The following OTX1 variants were observed in gnomAD, a reference collection of about 807,000 sequenced individuals.
The protein encoded by OTX1 is orthodenticle homeobox 1, also known as homeobox protein OTX1.
A neutral mutation model predicts 26.7 loss-of-function variants in OTX1; 7 were observed. The ratio of observed to expected loss-of-function variants is 0.26; its 90% CI spans 0.15 to 0.49. OTX1 has a LOEUF of 0.49. Ranked by LOEUF, OTX1 falls within the 20% of genes least tolerant of loss-of-function variation. The probability of loss-of-function intolerance (pLI) is 0.98; values close to 1 mark genes in which losing one functional copy is unlikely to be tolerated. For synonymous variants in OTX1, 216 were observed against 212.8 expected (o/e 1.01, Z -0.13); for missense variants, 414 against 483.8 (o/e 0.86, Z 1.35).
At chr2:63,050,706 C>T (rs1423587582), upstream of OTX1, 2 of 151,962 alleles carry the variant, frequency 1.3e-5, no homozygotes, top group African/African-American at 2.4e-5. Context: ...GGAGGTAACC[C>T]CCGGCTCGCG....
At chr2:63,050,654 G>A (rs1432122039), upstream of OTX1, 1 of 151,412 alleles carries the variant, frequency 6.6e-6, no homozygotes, top group Non-Finnish European at 1.5e-5. Flanking sequence ...CGGGAGGGCG[G>A]GGAGGGCGGG....
rs1372722750 is a variant in OTX1, at chr2:63,055,757, G to A, written c.506G>A (p.Ser169Asn). ...GNPVAAASSL[S>N]TPAASSIWSP... Reference sequence around the variant, plus strand: ...CCGGTGGCGGCCGCGTCGTCGCTGAGTACACCAGCTGCCTCATCTATCTGG... The same window carrying A: ...CCGGTGGCGGCCGCGTCGTCGCTGAATACACCAGCTGCCTCATCTATCTGG... Residue 169 changes from serine to asparagine, a missense_variant, in exon 5 of 5, where the codon AGT becomes AAT. Physicochemically the swap from Ser to Asn is conservative, Grantham distance 46 (BLOSUM62 1). Transcript: ENST00000282549. This position sits in a 1 kb window ranked among gnomAD's most constrained non-coding sequence, Gnocchi z 5.2. 3.1e-6 allele frequency: 5 copies of A among 1,612,398 alleles called. No homozygotes were observed. Among genetic ancestry groups the A allele is most frequent in the Non-Finnish European group, 1.7e-6 (2 of 1,179,702 alleles).
At chr2:63,053,785 T>C in intron 3 of OTX1, 1 of 471,528 alleles carries the variant, frequency 2.1e-6, no homozygotes, top group Middle Eastern at 5.6e-4. Context: ...GATTGTAGAC[T>C]TCTCTTAACT....
chr2:63,053,322 C>T (rs2062039548), intron 3 of OTX1: 1 of 438,554 alleles, frequency 2.3e-6, no homozygotes, highest in Non-Finnish European at 4.0e-6. Flanking sequence ...GGCCGGATCA[C>T]CGGCAACCTT....
At chr2:63,054,889 C>G (rs555017533) in intron 4 of OTX1, among the ~76,000 whole-genome samples, 1 of 152,292 alleles carries the variant, frequency 6.6e-6, no homozygotes, top group South Asian at 2.1e-4. Context: ...TGGTTCCCCA[C>G]CTGGAGCCAA....
At chr2:63,050,540 C>T (rs1003681478), upstream of OTX1, among the ~76,000 whole-genome samples, 5 of 152,058 alleles carry the variant, frequency 3.3e-5, no homozygotes, top group Admixed American at 6.5e-5. Flanking sequence ...AGACCCACGG[C>T]CCCCTCCGCG....
rs1195605759 is a variant in OTX1 at position 63,056,406 on chromosome 2, CTCG to C, written c.*93_*95del. On this transcript the variant is annotated 3_prime_UTR_variant, in exon 5 of 5. Transcript: ENST00000282549. ...CTGCTGCTGCACCGCCCGCCTTTGC[CTCG>C]TCTTCTCCAAAACTGAATTTTCACC... 8.6e-7 allele frequency: 1 copy of C among 1,169,130 alleles called. No individual in the cohort carries two copies. The highest frequency in any genetic ancestry group is 1.2e-6 in the Non-Finnish European group (1 of 821,542). The allele number at this position is 1,169,130 out of a possible 1,614,324, so 72.4% of individuals were successfully genotyped here.
rs1003822036 is a variant in OTX1 at position 63,056,505 on chromosome 2, A to T, written c.*189A>T. 3.2e-6 allele frequency: 2 copies of T among 617,098 alleles called. No homozygotes were observed. The highest frequency in any genetic ancestry group is 5.7e-6 in the Non-Finnish European group (2 of 352,884). The allele number at this position is 617,098 out of a possible 1,614,324, so 38.2% of individuals were successfully genotyped here. ...GCCACTTGCTTGGGGGGATGTGCAAACCCACCCTGCCCCTTGGATGGGGGG... is the reference window on the plus strand; with the variant it reads ...GCCACTTGCTTGGGGGGATGTGCAATCCCACCCTGCCCCTTGGATGGGGGG... On this transcript the variant is annotated 3_prime_UTR_variant, in exon 5 of 5. Coordinates refer to ENST00000282549, the MANE Select transcript of OTX1 (RefSeq NM_014562.4).
Position 63,053,012 on chromosome 2 carries a change from C to A in OTX1, c.22C>A (p.Pro8Thr). MMSYLKQ[P>T]PYGMNGLGLA... The stretch of plus-strand genomic sequence containing the variant: ...TAGCATGATGTCTTACCTCAAACAA[C>A]CCCCATACGGCATGAACGGGCTGGG... Residue 8 changes from proline (P) to threonine (T), a missense_variant, in exon 3 of 5, where the codon CCC becomes ACC. Around this residue, in one of 3 missense-constraint regions of OTX1, gnomAD observed 48 missense variants for 41.6 expected, o/e 1.15. Transcript: ENST00000282549. 6.2e-7 allele frequency: 1 copy of A among 1,610,492 alleles called. No homozygotes were observed. The highest frequency in any genetic ancestry group is 8.5e-7 in the Non-Finnish European group (1 of 1,178,686).
upstream of OTX1, among the ~76,000 whole-genome samples, chr2:63,050,306 G>A (rs572745868): frequency 4.9e-3 from 752 of 152,266 alleles, 3 homozygotes; most frequent in Non-Finnish European, 4.2e-3. Flanking sequence ...AGGTGGCGGC[G>A]CCGGGGAAGA....
chr2:63,054,291 C>T, intron 4 of OTX1, 93 bp downstream of exon 4: 1 of 1,273,682 alleles, frequency 7.9e-7, no homozygotes, highest in South Asian at 1.8e-5. Context: ...TTGAGGAGAC[C>T]ATCCTGTGGG....
chr2:63,050,114 G>A (rs1051478850), upstream of OTX1: 5 of 152,250 alleles, frequency 3.3e-5, no homozygotes, highest in African/African-American at 9.6e-5. Context: ...CACCCTTGGT[G>A]GGGACCTGGA....
At chr2:63,053,555 C>T (rs2075375) in intron 3 of OTX1, 90,331 of 172,444 alleles carry the variant, frequency 0.52, 24,092 homozygotes, top group South Asian at 0.6. Flanking sequence ...CGATGTCCTG[C>T]ACCCATTTTT....
Position 63,053,062 on chromosome 2 carries a change from C to T in OTX1, c.72C>T (p.Leu24=). 1.9e-6 allele frequency: 3 copies of T among 1,597,356 alleles called. No individual in the cohort carries two copies. The highest frequency in any genetic ancestry group is 2.6e-6 in the Non-Finnish European group (3 of 1,173,724). The change falls in exon 3 of 5, where the codon CTC becomes CTT. Residue 24 remains leucine (L), a synonymous_variant. Transcript: ENST00000282549. Reference sequence around the variant, plus strand: ...GCCTGGCCGGGCCCGCCATGGACCTCCTGCACCCATCCGTGGGCTATCCGG... The same window carrying T: ...GCCTGGCCGGGCCCGCCATGGACCTTCTGCACCCATCCGTGGGCTATCCGG... ...GLGLAGPAMD[L]LHPSVGYPAT...
rs778560710 is a variant in OTX1 at position 63,056,174 on chromosome 2, G to A, written c.923G>A (p.Gly308Glu). 1.2e-6 allele frequency: 2 copies of A among 1,613,960 alleles called. No homozygotes were observed. The highest frequency in any genetic ancestry group is 1.7e-5 in the Admixed American group (1 of 59,998). The change falls in exon 5 of 5, where the codon GGG becomes GAG. Residue 308 changes from glycine (G) to glutamate (E), a missense_variant. Gly to Glu is a moderately conservative substitution (Grantham distance 98). Coordinates refer to ENST00000282549, the MANE Select transcript of OTX1 (RefSeq NM_014562.4). ...HHHHQGYGGS[G>E]LAFNSADCLD... is the part of the protein sequence containing the mutation. ...CACCACCAAGGCTACGGTGGCTCTGGGCTTGCCTTCAACTCTGCCGACTGC... is the reference window on the plus strand; with the variant it reads ...CACCACCAAGGCTACGGTGGCTCTGAGCTTGCCTTCAACTCTGCCGACTGC...
intron 3 of OTX1, 176 bp from the exon 4 acceptor site, chr2:63,053,871 A>G: frequency 1.6e-6 from 1 of 641,456 alleles, no homozygotes; most frequent in Non-Finnish European, 2.7e-6. Flanking sequence ...GCACATCTGC[A>G]CTTTCTCCCA....
upstream of OTX1, chr2:63,050,594 C>G (rs1051888105): frequency 6.6e-6 from 1 of 151,506 alleles, no homozygotes; most frequent in African/African-American, 2.4e-5. Context: ...CCTAGCTCTG[C>G]GCCGCTTTTG....
rs757362850 is a variant in OTX1 at position 63,055,821 on chromosome 2, C to T, written c.570C>T (p.Ser190=). ...ASISPGSAPA[S]VSVPEPLAAP... Reference sequence around the variant, plus strand: ...TCTCGCCAGGCTCAGCGCCCGCGTCCGTGTCGGTGCCGGAGCCATTGGCCG... The same window carrying T: ...TCTCGCCAGGCTCAGCGCCCGCGTCTGTGTCGGTGCCGGAGCCATTGGCCG... Residue 190 remains serine (S), a synonymous_variant, in exon 5 of 5, where the codon TCC becomes TCT. Coordinates refer to ENST00000282549, the MANE Select transcript of OTX1 (RefSeq NM_014562.4). The surrounding 1 kb of genome is among the most constrained non-coding windows in gnomAD (Gnocchi z 5.2). 1.6e-5 allele frequency: 25 copies of T among 1,612,036 alleles called. No homozygotes were observed. The highest frequency in any genetic ancestry group is 1.9e-5 in the Non-Finnish European group (22 of 1,179,750).
chr2:63,052,663 TC>T (rs1381969818), intron 2 of OTX1, among the ~76,000 whole-genome samples: 1 of 152,150 alleles, frequency 6.6e-6, no homozygotes, highest in African/African-American at 2.4e-5. Flanking sequence ...TCCTATGGAC[TC>T]CCTACCAGTG....
Sources: gnomAD v4.1 joint callset for allele counts (sites outside exome capture counted in the v4.1 genomes callset) on GRCh38, gnomAD v4.1.1 for gene constraint, gnomAD v4.1.1 regional missense constraint, Gnocchi (gnomAD v3.1) non-coding constraint, MANE v1.5 for transcripts, NCBI Gene and HGNC (gene_info 2026-07-23, HGNC 2026-07-21) for gene names.